The following FBXO25 variants were observed in gnomAD, a reference collection of about 807,000 sequenced individuals.
FBXO25 encodes F-box only protein 25.
In FBXO25, 45 loss-of-function variants were observed where a neutral mutation model predicts 51.9. That is an observed-to-expected ratio of 0.87 (90% confidence interval 0.68 to 1.11). The LOEUF (loss-of-function observed/expected upper bound fraction) is 1.11, where lower values mean the gene tolerates loss of function less well. FBXO25 is among the 50% of genes most tolerant of loss of function. The pLI is 0.00. For missense variants in FBXO25, 507 were observed against 428.5 expected, an observed-to-expected ratio of 1.18 and a Z score of -1.62; for synonymous variants, 199 against 151.0, an observed-to-expected ratio of 1.32 and a Z score of -2.33.
intron 9 of FBXO25, among the ~76,000 whole-genome samples, chr8:464,051 C>T (rs1473982071): frequency 6.6e-6 from 1 of 152,158 alleles, no homozygotes; most frequent in Non-Finnish European, 1.5e-5. Context: ...CTCACTTCAG[C>T]CCCGACTTCT....
chr8:436,734 G>A (rs1429551088), intron 5 of FBXO25, among the ~76,000 whole-genome samples: 1 of 152,182 alleles, frequency 6.6e-6, no homozygotes, highest in East Asian at 1.9e-4. Flanking sequence ...TAAGTAGCCG[G>A]GAAAAACATC....
intron 5 of FBXO25, among the ~76,000 whole-genome samples, chr8:446,568 CTA>C (rs199937937): frequency 0.03 from 4,539 of 152,216 alleles, 98 homozygotes; most frequent in Middle Eastern, 0.044. Context: ...TCCTTTGTCT[CTA>C]AATTGATTCT....
chr8:473,696 C>G lies in FBXO25; in HGVS notation c.*4892C>G, dbSNP rs996140009. 3 of 151,998 alleles carry G rather than the reference C, an allele frequency of 2.0e-5. No homozygotes were observed. Among genetic ancestry groups the G allele is most frequent in the African/African-American group, 7.2e-5 (3 of 41,382 alleles). The allele number at this position is 151,998 out of a possible 1,614,324, so 9.4% of individuals were successfully genotyped here. ...TCCTGGGCTGGCTCTTGGACCATAA[C>G]CAGCGTTCACTGAGGATGCGGTTTC... On this transcript the variant is annotated 3_prime_UTR_variant, in exon 10 of 10. Coordinates refer to ENST00000350302, the MANE Select transcript of FBXO25 (RefSeq NM_183420.2).
intron 2 of FBXO25, among the ~76,000 whole-genome samples, chr8:416,874 C>T (rs1184662754): frequency 1.3e-5 from 2 of 152,152 alleles, no homozygotes; most frequent in Non-Finnish European, 2.9e-5. Flanking sequence ...AAGATGAGTT[C>T]CGCAGTGTAG....
chr8:477,363 T>G lies in FBXO25; in HGVS notation c.*8559T>G, dbSNP rs1305260362. The G allele has an allele frequency of 6.6e-6, 1 of 152,270 alleles. No homozygotes were observed. Among genetic ancestry groups the G allele is most frequent in the Non-Finnish European group, 1.5e-5 (1 of 68,052 alleles). 9.4% of individuals were successfully genotyped at this position (152,270 alleles called of 1,614,324 possible). ...TTACTGAAAGTGGGCTACTGCAGTC[T>G]CCTACTCTTACTGTAGAACTATCCA... On this transcript the variant is annotated 3_prime_UTR_variant, in exon 10 of 10. Transcript: ENST00000350302.
At chr8:424,676 G>T (rs1172917220) in intron 2 of FBXO25, among the ~76,000 whole-genome samples, 1 of 152,166 alleles carries the variant, frequency 6.6e-6, no homozygotes, top group Non-Finnish European at 1.5e-5. Context: ...GGTTGTAGGT[G>T]TGTGGCTTTA....
chr8:415,680 C>T (rs1394185121), intron 2 of FBXO25, among the ~76,000 whole-genome samples: 1 of 152,040 alleles, frequency 6.6e-6, no homozygotes, highest in African/African-American at 2.4e-5. Context: ...AAAAGGGTGG[C>T]CCTGAGAAGG....
intron 3 of FBXO25, 95 bp from the exon 4 acceptor site, chr8:432,791 A>C (rs1797891349): frequency 7.4e-7 from 1 of 1,352,030 alleles, no homozygotes; most frequent in Non-Finnish European, 9.8e-7. Context: ...AAGTCAGATA[A>C]TTTTGTTAAC....
chr8:454,732 A>T (rs1251644575), intron 7 of FBXO25, among the ~76,000 whole-genome samples: 1 of 151,978 alleles, frequency 6.6e-6, no homozygotes, highest in Non-Finnish European at 1.5e-5. Flanking sequence ...TCTACTAAAA[A>T]TACAAAAAAT....
intron 5 of FBXO25, among the ~76,000 whole-genome samples, chr8:438,363 T>C (rs1475312492): frequency 6.6e-6 from 1 of 152,216 alleles, no homozygotes; most frequent in East Asian, 1.9e-4. Context: ...CCAGCCTGTA[T>C]CTTTCAACTA....
chr8:422,881 T>G (rs1302396613), intron 2 of FBXO25, among the ~76,000 whole-genome samples: 2 of 152,166 alleles, frequency 1.3e-5, no homozygotes. Flanking sequence ...TTATTGGGTA[T>G]GTGTTACGGG....
chr8:443,336 T>C (rs1241601193), intron 5 of FBXO25, among the ~76,000 whole-genome samples: 1 of 150,422 alleles, frequency 6.6e-6, no homozygotes, highest in Non-Finnish European at 1.5e-5. Context: ...TCTTCATTTT[T>C]CTTTAATTCT....
intron 2 of FBXO25, among the ~76,000 whole-genome samples, chr8:429,361 T>C (rs1797683784): frequency 1.3e-5 from 2 of 152,144 alleles, no homozygotes; most frequent in South Asian, 4.1e-4. Flanking sequence ...AAGTGTCTGT[T>C]GAAGTTGTTT....
chr8:453,612 G>A (rs1038418665), intron 7 of FBXO25, among the ~76,000 whole-genome samples: 8 of 152,230 alleles, frequency 5.3e-5, no homozygotes, highest in African/African-American at 1.9e-4. Flanking sequence ...GCTGGCTGAT[G>A]CTGGATTGCT....
intron 5 of FBXO25, among the ~76,000 whole-genome samples, chr8:439,549 G>T (rs371432603): frequency 6.6e-6 from 1 of 152,100 alleles, no homozygotes; most frequent in Admixed American, 6.5e-5. Context: ...TACTTCCAGG[G>T]GTACTGTATT....
chr8:408,443 C>T (rs1001620894), intron 1 of FBXO25, among the ~76,000 whole-genome samples: 2 of 152,198 alleles, frequency 1.3e-5, no homozygotes, highest in African/African-American at 4.8e-5. Context: ...GAGACTCCAT[C>T]ATTTTGAATC....
At chr8:461,147 A>G (rs759560921) in intron 8 of FBXO25, among the ~76,000 whole-genome samples, 41 of 152,250 alleles carry the variant, frequency 2.7e-4, no homozygotes, top group Non-Finnish European at 8.8e-5. Context: ...TGCACTGGTC[A>G]TTTTCAAAAC....
Position 432,953 on chromosome 8 carries a change from A to T in FBXO25, c.288+18A>T. 1.9e-6 allele frequency: 3 copies of T among 1,545,642 alleles called. No homozygotes were observed. ...CAAAGGAAGTAAGTATTCTATTATA[A>T]ATATGAGAGTATCTTGTATTGTTTC... On this transcript the variant is annotated intron_variant, in intron 4 of 9. Transcript: ENST00000350302.
Position 472,765 on chromosome 8 carries a change from C to G in FBXO25, c.*3961C>G, listed in dbSNP as rs973287891. ...TGGTTTTTCTTTTCATTGCGAAGGC[C>G]TAACTTAGTAGATAAGTGGACTGTG... On this transcript the variant is annotated 3_prime_UTR_variant, in exon 10 of 10. Coordinates refer to ENST00000350302, the MANE Select transcript of FBXO25 (RefSeq NM_183420.2). 2 of 152,172 alleles carry G rather than the reference C, an allele frequency of 1.3e-5. No homozygotes were observed. Among genetic ancestry groups the G allele is most frequent in the South Asian group, 2.1e-4 (1 of 4,836 alleles). The allele number at this position is 152,172 out of a possible 1,614,324, so 9.4% of individuals were successfully genotyped here.
Sources: gnomAD v4.1 joint callset for allele counts (sites outside exome capture counted in the v4.1 genomes callset) on GRCh38, gnomAD v4.1.1 for gene constraint, MANE v1.5 for transcripts, NCBI Gene and HGNC (gene_info 2026-07-23, HGNC 2026-07-21) for gene names.